Variants in ARG2 observed in about 807,000 individuals in gnomAD.
The protein encoded by ARG2 is arginase-2, mitochondrial.
ARG2 carries 21 observed loss-of-function variants against 39.4 expected under a neutral mutation model. The ratio of observed to expected loss-of-function variants is 0.53; its 90% CI spans 0.38 to 0.77. The LOEUF (loss-of-function observed/expected upper bound fraction) is 0.77. ARG2 is among the 30% of genes least tolerant of loss of function. The pLI, the probability that ARG2 is intolerant of heterozygous loss-of-function variation, is 0.00. For missense variants in ARG2, 378 were observed against 426.2 expected, an observed-to-expected ratio of 0.89 and a Z score of 1.00; for synonymous variants, 150 against 156.7, an observed-to-expected ratio of 0.96 and a Z score of 0.32.
chr14:67,647,057 C>T, intron 6 of ARG2, 32 bp downstream of exon 6: 1 of 1,349,530 alleles, frequency 7.4e-7, no homozygotes, highest in Non-Finnish European at 1.1e-6. Flanking sequence ...CAGGGCAAAC[C>T]CCCAATGGGC....
chr14:67,651,613 G>A lies in ARG2; in HGVS notation c.*693G>A. 1.0e-6 allele frequency: 1 copy of A among 971,196 alleles called. No individual in the cohort carries two copies. Among genetic ancestry groups the A allele is most frequent in the Non-Finnish European group, 1.5e-6 (1 of 672,068 alleles). The allele number at this position is 971,196 out of a possible 1,614,324, so 60.2% of individuals were successfully genotyped here. ...GTTTGATCACACAGCCACTTAGCAG[G>A]AAGTACTCATAAGGTTCTTTAGCTG... On this transcript the variant is annotated 3_prime_UTR_variant, in exon 8 of 8. Coordinates refer to ENST00000261783, the MANE Select transcript of ARG2 (RefSeq NM_001172.4).
chr14:67,645,593 G>T (rs1277660596), intron 3 of ARG2, 50 bp from the exon 4 acceptor site: 1 of 1,581,978 alleles, frequency 6.3e-7, no homozygotes, highest in Admixed American at 1.8e-5. Flanking sequence ...TTTGTTATCG[G>T]TCATGTTTGC....
In ARG2 at chr14:67,648,058, C is replaced by T; in HGVS notation, c.734C>T (p.Pro245Leu). 1 of 1,611,714 alleles carries T rather than the reference C, an allele frequency of 6.2e-7. No homozygotes were observed. The highest frequency in any genetic ancestry group is 2.2e-5 in the East Asian group (1 of 44,672). ...FDLLIGKRQRPIHLSFDIDAF... is the reference protein window; with the variant it reads ...FDLLIGKRQRLIHLSFDIDAF... Reference sequence around the variant, plus strand: ...CTCTTCCTTTTTAGGAGACAAAGACCAATCCATTTGAGTTTTGATATTGAT... The same window carrying T: ...CTCTTCCTTTTTAGGAGACAAAGACTAATCCATTTGAGTTTTGATATTGAT... Residue 245 changes from proline to leucine, a missense_variant, in exon 7 of 8, where the codon CCA (proline) becomes CTA (leucine). Transcript: ENST00000261783.
At chr14:67,644,055 C>A (rs1215522722) in intron 3 of ARG2, among the ~76,000 whole-genome samples, 1 of 152,086 alleles carries the variant, frequency 6.6e-6, no homozygotes, top group East Asian at 1.9e-4. Flanking sequence ...GTTTGGGGAC[C>A]ACTGATCAAT....
chr14:67,651,182 G>C lies in ARG2; in HGVS notation c.*262G>C. 1 of 1,029,924 alleles carries C rather than the reference G, an allele frequency of 9.7e-7. No individual in the cohort carries two copies. The highest frequency in any genetic ancestry group is 1.6e-5 in the African/African-American group (1 of 61,620). 63.8% of individuals were successfully genotyped at this position (1,029,924 alleles called of 1,614,324 possible). ...AGTCATAAACAGCATTTATTACCTT[G>C]GTATATCATACTGGTCTTGTTGCTG... is the stretch of plus-strand genomic sequence containing the variant. On this transcript the variant is annotated 3_prime_UTR_variant, in exon 8 of 8. Transcript: ENST00000261783.
At chr14:67,636,027 GACAAGTC>G (rs2036968466) in intron 2 of ARG2, among the ~76,000 whole-genome samples, 1 of 151,974 alleles carries the variant, frequency 6.6e-6, no homozygotes, top group Non-Finnish European at 1.5e-5. Flanking sequence ...TGTTATTCCT[GACAAGTC>G]ACAAACATTT....
chr14:67,637,011 C>A (rs529778857), intron 2 of ARG2, among the ~76,000 whole-genome samples: 26 of 152,188 alleles, frequency 1.7e-4, no homozygotes, highest in Non-Finnish European at 3.4e-4. Context: ...TTACACATTA[C>A]AATGTCTGCA....
chr14:67,647,048 A>T lies in ARG2; in HGVS notation c.722+23A>T, dbSNP rs748027189. On this transcript the variant is annotated intron_variant, in intron 6 of 7. Coordinates refer to ENST00000261783, the MANE Select transcript of ARG2 (RefSeq NM_001172.4). ...CAAGTAAGTAACTATAACTGATGTC[A>T]GGGCAAACCCCCAATGGGCAACACA... is the stretch of plus-strand genomic sequence containing the variant. 1.0e-4 allele frequency: 154 copies of T among 1,481,990 alleles called. 3 individuals carry two copies. Among genetic ancestry groups the T allele is most frequent in the South Asian group, 7.8e-4 (69 of 88,222 alleles). The allele number at this position is 1,481,990 out of a possible 1,614,324, so 91.8% of individuals were successfully genotyped here. A position where few individuals can be genotyped will look rare whatever the true frequency, so the allele number is the denominator to read the frequency against.
chr14:67,642,788 A>ATTTTTTTT (rs1169208904), intron 3 of ARG2, among the ~76,000 whole-genome samples: 4 of 33,728 alleles, frequency 1.2e-4, no homozygotes, highest in South Asian at 1.0e-3. Flanking sequence ...ATGTTACTAC[A>ATTTTTTTT]TTTTCTTTTT....
Position 67,647,081 on chromosome 14 carries a change from CCT to C in ARG2, c.722+57_722+58del, listed in dbSNP as rs554279681. The C allele has an allele frequency of 4.6e-4, 511 of 1,111,548 alleles. 2 individuals are homozygous for C. In the African/African-American group the frequency reaches 7.3e-3, roughly 16 times the overall value. 68.9% of individuals were successfully genotyped at this position (1,111,548 alleles called of 1,614,324 possible). A position where few individuals can be genotyped will look rare whatever the true frequency, so the allele number is the denominator to read the frequency against. ...CCCCCAATGGGCAACACACTTTTAG[CCT>C]GTTTCTTGAGGACAGCAGCTTTACT... On this transcript the variant is annotated intron_variant, in intron 6 of 7. Coordinates refer to ENST00000261783, the MANE Select transcript of ARG2 (RefSeq NM_001172.4).
intron 2 of ARG2, among the ~76,000 whole-genome samples, chr14:67,638,217 ATAT>A (rs2036992391): frequency 6.6e-6 from 1 of 152,162 alleles, no homozygotes; most frequent in African/African-American, 2.4e-5. Flanking sequence ...ACTTAAAATA[ATAT>A]TATGTATTAT....
At chr14:67,641,764 A>G (rs1165490380) in intron 2 of ARG2, among the ~76,000 whole-genome samples, 1 of 152,076 alleles carries the variant, frequency 6.6e-6, no homozygotes, top group East Asian at 1.9e-4. Context: ...ACATAGCAAG[A>G]CCCCATTTCT....
At chr14:67,638,379 A>G (rs76695155) in intron 2 of ARG2, among the ~76,000 whole-genome samples, 1 of 148,292 alleles carries the variant, frequency 6.7e-6, no homozygotes. Flanking sequence ...CAAAAAAAAA[A>G]GAAAAAAAAT....
At chr14:67,624,495 G>A (rs137929067) in intron 2 of ARG2, among the ~76,000 whole-genome samples, 28 of 152,274 alleles carry the variant, frequency 1.8e-4, no homozygotes, top group Non-Finnish European at 2.6e-4. Context: ...TAATCATGGC[G>A]GAAGGTGAAG....
intron 2 of ARG2, among the ~76,000 whole-genome samples, chr14:67,639,824 C>T (rs932643124): frequency 6.7e-6 from 1 of 149,098 alleles, no homozygotes; most frequent in Non-Finnish European, 1.5e-5. Flanking sequence ...ACTTGGGAGG[C>T]TGAGGTAGGA....
chr14:67,626,544 G>A (rs187109447), intron 2 of ARG2, among the ~76,000 whole-genome samples: 3 of 151,916 alleles, frequency 2.0e-5, no homozygotes, highest in Admixed American at 2.0e-4. Context: ...AGACAGTCTC[G>A]CTCTTTCACC....
At chr14:67,646,848 C>A (rs1387552316) in intron 5 of ARG2, 73 bp from the exon 6 acceptor site, 2 of 1,378,972 alleles carry the variant, frequency 1.5e-6, no homozygotes, top group African/African-American at 1.4e-5. Context: ...ACAAACCCAC[C>A]CTCTCCCCCA....
In ARG2 at chr14:67,624,148, G is replaced by A. The variant is rs772095928; in HGVS notation, c.184+3182G>A. On this transcript the variant is annotated intron_variant, in intron 2 of 7. Coordinates refer to ENST00000261783, the MANE Select transcript of ARG2 (RefSeq NM_001172.4). Reference sequence around the variant, plus strand: ...AGCAGTATATCTGCACTCGATTTTGGTTAGCTCTGAGAACCATGGTAATTT... The same window carrying A: ...AGCAGTATATCTGCACTCGATTTTGATTAGCTCTGAGAACCATGGTAATTT... Among the ~76,000 whole-genome samples, 3 of 152,176 alleles carry A rather than the reference G, an allele frequency of 2.0e-5. No individual in the cohort carries two copies. The South Asian group carries it at 6.2e-4, about 31-fold the overall frequency.
chr14:67,651,684 G>A lies in ARG2; in HGVS notation c.*764G>A. 1 of 437,178 alleles carries A rather than the reference G, an allele frequency of 2.3e-6. No individual in the cohort carries two copies. Among genetic ancestry groups the A allele is most frequent in the Non-Finnish European group, 4.0e-6 (1 of 252,304 alleles). 27.1% of individuals were successfully genotyped at this position (437,178 alleles called of 1,614,324 possible). On this transcript the variant is annotated 3_prime_UTR_variant, in exon 8 of 8. Coordinates refer to ENST00000261783, the MANE Select transcript of ARG2 (RefSeq NM_001172.4). ...CTACCTCACAGAAATGTTAAACTGA[G>A]ACAATAAAAACCAAAGCATAAAAAT... is the stretch of plus-strand genomic sequence containing the variant.
Sources: gnomAD v4.1 joint callset for allele counts (sites outside exome capture counted in the v4.1 genomes callset) on GRCh38, gnomAD v4.1.1 for gene constraint, MANE v1.5 for transcripts, NCBI Gene and HGNC (gene_info 2026-07-23, HGNC 2026-07-21) for gene names.